BMP5: variants seen among roughly 807,000 people sequenced by gnomAD.
BMP5 encodes the protein bone morphogenetic protein 5.
Under a neutral mutation model 46.6 loss-of-function variants are expected in BMP5, and 23 were observed. The ratio of observed to expected loss-of-function variants is 0.49; its 90% CI spans 0.35 to 0.70. BMP5 has a LOEUF of 0.70. Among genes scored for constraint, BMP5 ranks in the 30% least tolerant of loss-of-function variants. BMP5 has a pLI of 0.00. For synonymous variants in BMP5, 204 were observed against 191.9 expected (o/e 1.06, Z -0.52); for missense variants, 545 against 565.6 (o/e 0.96, Z 0.37).
chr6:55,811,155 C>T (rs981154865), intron 2 of BMP5, among the ~76,000 whole-genome samples: 4 of 152,100 alleles, frequency 2.6e-5, no homozygotes, highest in African/African-American at 9.7e-5. Context: ...TGTCAGAGTA[C>T]CTTCTGAAGT....
chr6:55,799,436 G>A (rs1775792250), intron 2 of BMP5, among the ~76,000 whole-genome samples: 1 of 152,172 alleles, frequency 6.6e-6, no homozygotes, highest in Non-Finnish European at 1.5e-5. Context: ...GGAGGAGGTA[G>A]AGAAAACAAG....
rs1582076900 is a variant in BMP5 at position 55,802,621 on chromosome 6, A to G, written c.684-8194T>C. ...GATAGCATAGTAAAAGAAGGAAATT[A>G]TAAATACCAACTGCAACCATGTGAC... is the stretch of plus-strand genomic sequence containing the variant. On this transcript the variant is annotated intron_variant, in intron 2 of 6. Coordinates refer to ENST00000370830, the MANE Select transcript of BMP5 (RefSeq NM_021073.4). 2.0e-5 allele frequency among the ~76,000 whole-genome samples: 3 copies of G among 152,246 alleles called. No homozygotes were observed. In the South Asian group the frequency reaches 6.2e-4, roughly 32 times the overall value.
intron 1 of BMP5, among the ~76,000 whole-genome samples, chr6:55,842,271 T>C (rs1776980698): frequency 6.6e-6 from 1 of 152,170 alleles, no homozygotes; most frequent in South Asian, 2.1e-4. Context: ...TAGGTATCTT[T>C]ACTCCTAAGA....
intron 1 of BMP5, among the ~76,000 whole-genome samples, chr6:55,872,793 G>C (rs16887320): frequency 0.06 from 9,102 of 151,722 alleles, 318 homozygotes; most frequent in Admixed American, 0.099. Flanking sequence ...TATAAATTTT[G>C]CTAGGTTGAA....
At position 55,819,686 on chromosome 6, in the gene BMP5, T is replaced by G. The variant is rs1219679284; in HGVS notation, c.652A>C (p.Ile218Leu). ...GTGTATTCCTTGATGATTTGATATA[T>G]GCTAATCTTAATTGTTTCATTTTCA... ...RFENETIKISIYQIIKEYTNR... is the reference protein window; with the variant it reads ...RFENETIKISLYQIIKEYTNR... The change falls in exon 2 of 7, where the codon ATA (isoleucine) becomes CTA (leucine). Residue 218 changes from isoleucine (I) to leucine (L), a missense_variant. Coordinates refer to ENST00000370830, the MANE Select transcript of BMP5 (RefSeq NM_021073.4). 6.8e-6 allele frequency: 11 copies of G among 1,613,438 alleles called. No homozygotes were observed. The highest frequency in any genetic ancestry group is 8.5e-6 in the Non-Finnish European group (10 of 1,179,522).
At chr6:55,857,753 T>C (rs1052308842) in intron 1 of BMP5, among the ~76,000 whole-genome samples, 2 of 152,238 alleles carry the variant, frequency 1.3e-5, no homozygotes, top group African/African-American at 4.8e-5. Flanking sequence ...TTTTGGTTTT[T>C]TTGAGACAGA....
intron 4 of BMP5, 109 bp downstream of exon 4, chr6:55,773,940 T>G: frequency 1.7e-6 from 2 of 1,183,242 alleles, no homozygotes; most frequent in Non-Finnish European, 2.5e-6. Flanking sequence ...GAAGATTTAA[T>G]GTACCATCCG....
At chr6:55,867,292 T>C (rs547902462) in intron 1 of BMP5, among the ~76,000 whole-genome samples, 2 of 152,252 alleles carry the variant, frequency 1.3e-5, no homozygotes, top group South Asian at 4.1e-4. Context: ...CTTCCCCACA[T>C]ATCTCTCCTC....
At chr6:55,840,978 G>A (rs1562064983) in intron 1 of BMP5, among the ~76,000 whole-genome samples, 3 of 152,152 alleles carry the variant, frequency 2.0e-5, no homozygotes, top group Admixed American at 2.0e-4. Context: ...GTAAGCAGTG[G>A]GTGAGGAAGC....
In BMP5 at chr6:55,780,470, A is replaced by AAAAAAAG. The variant is rs1554181020; in HGVS notation, c.833-6228_833-6227insCTTTTTT. Among the ~76,000 whole-genome samples the AAAAAAAG allele has an allele frequency of 3.0e-4, 39 of 131,730 alleles. 1 individual carries two copies. The highest frequency in any genetic ancestry group is 5.7e-4 in the Admixed American group (7 of 12,316). 86.4% of individuals were successfully genotyped at this position (131,730 alleles called of 152,430 possible). On this transcript the variant is annotated intron_variant, in intron 3 of 6. Coordinates refer to ENST00000370830, the MANE Select transcript of BMP5 (RefSeq NM_021073.4). Reference sequence around the variant, plus strand: ...CCCATCACTACTAAAAAAAAAAAAAAAAAGAAAGAAAGAAAGAAAGAAAGA... The same window carrying AAAAAAAG: ...CCCATCACTACTAAAAAAAAAAAAAAAAAAAAGAAAGAAAGAAAGAAAGAAAGAAAGA...
chr6:55,773,775 T>C (rs558441480), intron 4 of BMP5, among the ~76,000 whole-genome samples: 4 of 151,984 alleles, frequency 2.6e-5, no homozygotes, highest in African/African-American at 9.6e-5. Context: ...TCTGGCTAGA[T>C]TGTGTTGATT....
chr6:55,774,004 C>A, intron 4 of BMP5, 45 bp downstream of exon 4: 1 of 1,593,902 alleles, frequency 6.3e-7, no homozygotes, highest in African/African-American at 1.3e-5. Context: ...CAGCATACGA[C>A]CCCATAACTC....
intron 1 of BMP5, among the ~76,000 whole-genome samples, chr6:55,855,829 C>G (rs1218127076): frequency 6.6e-6 from 1 of 152,034 alleles, no homozygotes; most frequent in Non-Finnish European, 1.5e-5. Context: ...CATGTAATTT[C>G]CTCTCTTAAT....
chr6:55,826,960 C>T (rs560812434), intron 1 of BMP5, among the ~76,000 whole-genome samples: 2 of 151,858 alleles, frequency 1.3e-5, no homozygotes, highest in South Asian at 4.1e-4. Context: ...TGTCTCAGGG[C>T]AAAGTTTTCC....
At chr6:55,815,133 CAAAAAA>C (rs35015007) in intron 2 of BMP5, among the ~76,000 whole-genome samples, 2 of 77,990 alleles carry the variant, frequency 2.6e-5, no homozygotes, top group African/African-American at 9.4e-5. Flanking sequence ...AACTCCATCT[CAAAAAA>C]AAAAAAAAAA....
intron 2 of BMP5, among the ~76,000 whole-genome samples, chr6:55,799,421 G>A (rs939690280): frequency 3.3e-5 from 5 of 152,138 alleles, no homozygotes; most frequent in Non-Finnish European, 2.9e-5. Context: ...AGGAGAAAAG[G>A]AGAAGGAGGA....
chr6:55,870,918 T>A (rs1420703745), intron 1 of BMP5, among the ~76,000 whole-genome samples: 3 of 152,010 alleles, frequency 2.0e-5, no homozygotes, highest in Non-Finnish European at 4.4e-5. Context: ...GAAAAACCAT[T>A]AATAAACTCA....
intron 3 of BMP5, among the ~76,000 whole-genome samples, chr6:55,792,792 T>G (rs1299174261): frequency 6.6e-6 from 1 of 152,180 alleles, no homozygotes; most frequent in Non-Finnish European, 1.5e-5. Context: ...CTCTGTGGTT[T>G]ATTAAACAAG....
At chr6:55,872,087 T>C (rs1777801292) in intron 1 of BMP5, among the ~76,000 whole-genome samples, 1 of 151,818 alleles carries the variant, frequency 6.6e-6, no homozygotes, top group African/African-American at 2.4e-5. Flanking sequence ...TATGCTTATT[T>C]ATTTATTTGA....
Sources: allele counts gnomAD v4.1 joint callset (sites outside exome capture counted in the v4.1 genomes callset), GRCh38; gene constraint gnomAD v4.1.1; transcripts MANE v1.5; gene names NCBI Gene and HGNC (gene_info 2026-07-23, HGNC 2026-07-21).